The following GNAL variants were observed in gnomAD, a reference collection of about 807,000 sequenced individuals.
GNAL encodes guanine nucleotide-binding protein G(olf) subunit alpha.
A neutral mutation model predicts 55.1 loss-of-function variants in GNAL; 18 were observed. The observed-to-expected ratio is 0.33, with a 90% CI of 0.23 to 0.48. The LOEUF is 0.48. Ranked by LOEUF, GNAL falls within the 20% of genes least tolerant of loss-of-function variation. The pLI, the probability that GNAL is intolerant of heterozygous loss-of-function variation, is 0.99. For synonymous variants in GNAL, 253 were observed against 237.0 expected (o/e 1.07, Z -0.62); for missense variants, 412 against 614.1 (o/e 0.67, Z 3.48).
chr18:11,857,261 C>G (rs2036029193), intron 5 of GNAL: 1 of 152,726 alleles, frequency 6.5e-6, no homozygotes, highest in Non-Finnish European at 1.5e-5. Context: ...AATTGTGAAA[C>G]AGTAAGTGCC....
At chr18:11,825,609 T>C (rs528636987) in intron 5 of GNAL, among the ~76,000 whole-genome samples, 3 of 151,406 alleles carry the variant, frequency 2.0e-5, no homozygotes, top group Non-Finnish European at 4.4e-5. Context: ...TGGGTGCCTG[T>C]AATCCCAGCT....
chr18:11,767,847 A>C (rs2033461478), intron 4 of GNAL, among the ~76,000 whole-genome samples: 1 of 152,124 alleles, frequency 6.6e-6, no homozygotes, highest in South Asian at 2.1e-4. Flanking sequence ...CTCTACCTGA[A>C]ACACTAAGAT....
At chr18:11,748,469 GCA>G (rs896737907) in intron 1 of GNAL, among the ~76,000 whole-genome samples, 2 of 152,146 alleles carry the variant, frequency 1.3e-5, no homozygotes, top group African/African-American at 4.8e-5. Flanking sequence ...CAGTTTTATA[GCA>G]CACACATTAT....
In GNAL at chr18:11,876,633, C is replaced by G; in HGVS notation, c.1175C>G (p.Ala392Gly). The change falls in exon 11 of 12, where the codon GCA becomes GGA. Residue 392 changes from alanine to glycine, a missense_variant. By Grantham distance (60) the Ala-to-Gly change is moderately conservative (BLOSUM62 0). Around this residue, in one of 5 missense-constraint regions of GNAL, gnomAD observed 79 missense variants for 127.1 expected, o/e 0.62. Coordinates refer to ENST00000334049, the MANE Select transcript of GNAL (RefSeq NM_182978.4). Reference sequence around the variant, plus strand: ...GTCATTTCTACAGCAACACCAGATGCAGGAGAAGATCCCAAAGTTACAAGA... The same window carrying G: ...GTCATTTCTACAGCAACACCAGATGGAGGAGAAGATCCCAAAGTTACAAGA... ...YTVPEDATPD[A>G]GEDPKVTRAK... 6.3e-7 allele frequency: 1 copy of G among 1,597,912 alleles called. No individual in the cohort carries two copies. Among genetic ancestry groups the G allele is most frequent in the Non-Finnish European group, 8.6e-7 (1 of 1,165,212 alleles).
chr18:11,844,422 G>A lies in GNAL; in HGVS notation c.723-17973G>A, dbSNP rs193218753. On this transcript the variant is annotated intron_variant, in intron 5 of 11. Transcript: ENST00000334049. ...GCACTCCAACCTGGGTGACAAGAGCGAAACTCTATCTCAAAATAAATAAAT... is the reference window on the plus strand; with the variant it reads ...GCACTCCAACCTGGGTGACAAGAGCAAAACTCTATCTCAAAATAAATAAAT... Among the ~76,000 whole-genome samples, 325 of 152,260 alleles carry A rather than the reference G, an allele frequency of 2.1e-3. 2 individuals are homozygous for A. The highest frequency in any genetic ancestry group is 7.5e-3 in the African/African-American group (312 of 41,552).
At chr18:11,760,200 G>A (rs1778524707) in intron 4 of GNAL, among the ~76,000 whole-genome samples, 3 of 152,188 alleles carry the variant, frequency 2.0e-5, no homozygotes, top group African/African-American at 7.2e-5. Context: ...AGAATCCTCT[G>A]AATCCACTTC....
Position 11,752,635 on chromosome 18 carries a change from C to T in GNAL, c.377-218C>T, listed in dbSNP as rs2032891005. The T allele has an allele frequency of 1.0e-5, 15 of 1,482,284 alleles. No homozygotes were observed. Among genetic ancestry groups the T allele is most frequent in the Non-Finnish European group, 1.3e-5 (15 of 1,123,450 alleles). The allele number at this position is 1,482,284 out of a possible 1,614,324, so 91.8% of individuals were successfully genotyped here. A position where few individuals can be genotyped will look rare whatever the true frequency, so the allele number is the denominator to read the frequency against. ...CCCCAGCGGAGCGCACAGCCAGGAG[C>T]GGCGAGCGCCAGGCTGGGCGGGCAG... On this transcript the variant is annotated intron_variant, in intron 1 of 11. Transcript: ENST00000334049. The surrounding 1 kb of genome is among the most constrained non-coding windows in gnomAD (Gnocchi z 4.5).
At chr18:11,864,774 A>G (rs1021216922) in intron 7 of GNAL, among the ~76,000 whole-genome samples, 168 bp downstream of exon 7, 1 of 152,176 alleles carries the variant, frequency 6.6e-6, no homozygotes, top group African/African-American at 2.4e-5. Flanking sequence ...TGTTGATTTT[A>G]CTGCCTACTT....
chr18:11,812,313 T>C (rs2034837087), intron 4 of GNAL, among the ~76,000 whole-genome samples: 1 of 152,128 alleles, frequency 6.6e-6, no homozygotes, highest in Non-Finnish European at 1.5e-5. Flanking sequence ...GTAAAAGCAG[T>C]AGAAATCCTG....
At chr18:11,794,919 T>C (rs1386770682) in intron 4 of GNAL, among the ~76,000 whole-genome samples, 2 of 152,166 alleles carry the variant, frequency 1.3e-5, no homozygotes, top group Non-Finnish European at 2.9e-5. Flanking sequence ...CTTAGCTCAC[T>C]GCAACCTCTG....
intron 4 of GNAL, among the ~76,000 whole-genome samples, chr18:11,774,896 AAAT>A: frequency 6.6e-6 from 1 of 152,198 alleles, no homozygotes; most frequent in East Asian, 1.9e-4. Flanking sequence ...CTTATTGAGG[AAAT>A]AATCAGTCCA....
chr18:11,732,197 T>G (rs1449173982), intron 1 of GNAL, among the ~76,000 whole-genome samples: 1 of 152,264 alleles, frequency 6.6e-6, no homozygotes, highest in Non-Finnish European at 1.5e-5. Context: ...TTACCAAGAA[T>G]TGGAATTGCT....
chr18:11,769,468 A>G (rs2033564508), intron 4 of GNAL, among the ~76,000 whole-genome samples: 1 of 146,534 alleles, frequency 6.8e-6, no homozygotes, highest in African/African-American at 2.5e-5. Flanking sequence ...TCAGTTTCTC[A>G]GGTCTGGGGG....
chr18:11,768,633 G>A (rs1375727272), intron 4 of GNAL, among the ~76,000 whole-genome samples: 3 of 148,274 alleles, frequency 2.0e-5, no homozygotes, highest in African/African-American at 7.5e-5. Context: ...AGTGGCTCAC[G>A]CCTGTAATCC....
chr18:11,881,641 A>G lies in GNAL; in HGVS notation c.*506A>G, dbSNP rs2036696656. 1.3e-5 allele frequency: 2 copies of G among 153,068 alleles called. No individual in the cohort carries two copies. Among genetic ancestry groups the G allele is most frequent in the African/African-American group, 4.8e-5 (2 of 41,470 alleles). The allele number at this position is 153,068 out of a possible 1,614,324, so 9.5% of individuals were successfully genotyped here. A position where few individuals can be genotyped will look rare whatever the true frequency, so the allele number is the denominator to read the frequency against. ...GACCCCAAGCGACAGAGTGACCAGA[A>G]ACCCTTTTACAGTCACATTCAGAGT... is the stretch of plus-strand genomic sequence containing the variant. On this transcript the variant is annotated 3_prime_UTR_variant, in exon 12 of 12. Coordinates refer to ENST00000334049, the MANE Select transcript of GNAL (RefSeq NM_182978.4). The surrounding 1 kb of genome is among the most constrained non-coding windows in gnomAD (Gnocchi z 4.8).
chr18:11,766,797 T>A (rs1278727358), intron 4 of GNAL, among the ~76,000 whole-genome samples: 1 of 152,180 alleles, frequency 6.6e-6, no homozygotes, highest in East Asian at 1.9e-4. Flanking sequence ...ATACTGGTGT[T>A]TTAAAGCGTA....
At chr18:11,739,401 G>A (rs764235738) in intron 1 of GNAL, among the ~76,000 whole-genome samples, 3 of 152,136 alleles carry the variant, frequency 2.0e-5, no homozygotes, top group Non-Finnish European at 2.9e-5. Context: ...CCCAAAGGAC[G>A]TCCGTGTGTG....
rs1200176961 is a variant in GNAL at position 11,868,289 on chromosome 18, A to G, written c.911-254A>G. Among the ~76,000 whole-genome samples the G allele has an allele frequency of 1.3e-5, 2 of 150,976 alleles. No individual in the cohort carries two copies. The highest frequency in any genetic ancestry group is 2.9e-5 in the Non-Finnish European group (2 of 67,816). On this transcript the variant is annotated intron_variant, in intron 8 of 11. Coordinates refer to ENST00000334049, the MANE Select transcript of GNAL (RefSeq NM_182978.4). This position sits in a 1 kb window ranked among gnomAD's most constrained non-coding sequence, Gnocchi z 4.0. ...CACTCCAGCCTGGGAGACAAGAGTGAAACTCCATCTCAAAAAAAAAAAAGC... is the reference window on the plus strand; with the variant it reads ...CACTCCAGCCTGGGAGACAAGAGTGGAACTCCATCTCAAAAAAAAAAAAGC...
chr18:11,799,326 G>A (rs999914213), intron 4 of GNAL, among the ~76,000 whole-genome samples: 2 of 152,158 alleles, frequency 1.3e-5, no homozygotes, highest in African/African-American at 2.4e-5. Context: ...TAGGGAAAGT[G>A]TAAAGCCATT....
Sources: allele counts gnomAD v4.1 joint callset (sites outside exome capture counted in the v4.1 genomes callset), GRCh38; gene constraint gnomAD v4.1.1; regional missense constraint gnomAD v4.1.1; non-coding constraint Gnocchi (gnomAD v3.1); transcripts MANE v1.5; gene names NCBI Gene and HGNC (gene_info 2026-07-23, HGNC 2026-07-21).